KCNH8: variants seen among roughly 807,000 people sequenced by gnomAD.
KCNH8 encodes the protein voltage-gated delayed rectifier potassium channel KCNH8.
KCNH8 carries 70 observed loss-of-function variants against 103.6 expected under a neutral mutation model. The ratio of observed to expected loss-of-function variants is 0.68; its 90% CI spans 0.56 to 0.82. The LOEUF is 0.82. KCNH8 is among the 40% of genes least tolerant of loss of function. The pLI is 0.00. For synonymous variants in KCNH8, 498 were observed against 489.4 expected (o/e 1.02, Z -0.23); for missense variants, 1,217 against 1,329.9 (o/e 0.92, Z 1.32).
At chr3:19,232,975 C>T (rs1275594339) in intron 1 of KCNH8, among the ~76,000 whole-genome samples, 1 of 152,068 alleles carries the variant, frequency 6.6e-6, no homozygotes, top group Admixed American at 6.5e-5. Flanking sequence ...AATAAGTCCC[C>T]TATTAGTAGT....
At chr3:19,397,498 T>TAC (rs1269439250) in intron 7 of KCNH8, among the ~76,000 whole-genome samples, 3 of 151,320 alleles carry the variant, frequency 2.0e-5, no homozygotes, top group African/African-American at 7.3e-5. Flanking sequence ...TATATCTATA[T>TAC]ATACACACAC....
chr3:19,495,318 T>C (rs1299730013), intron 11 of KCNH8, among the ~76,000 whole-genome samples: 2 of 152,234 alleles, frequency 1.3e-5, no homozygotes, highest in East Asian at 3.9e-4. Flanking sequence ...CCAGAGTTTT[T>C]ATACTTTTGG....
chr3:19,401,230 G>A (rs1040699400), intron 7 of KCNH8, among the ~76,000 whole-genome samples: 2 of 151,902 alleles, frequency 1.3e-5, no homozygotes, highest in East Asian at 1.9e-4. Context: ...CCTGCACACC[G>A]GACTGTGGGT....
chr3:19,374,001 C>T (rs2066148821), intron 5 of KCNH8, among the ~76,000 whole-genome samples: 1 of 152,184 alleles, frequency 6.6e-6, no homozygotes, highest in African/African-American at 2.4e-5. Flanking sequence ...TGTTCTTTTA[C>T]ATTTGCTGAG....
intron 1 of KCNH8, among the ~76,000 whole-genome samples, chr3:19,225,765 G>A (rs984809088): frequency 8.5e-5 from 13 of 152,136 alleles, no homozygotes; most frequent in African/African-American, 2.2e-4. Context: ...TTGGTTTCCC[G>A]CATTCATAGA....
intron 5 of KCNH8, among the ~76,000 whole-genome samples, chr3:19,385,345 AT>A (rs1252928441): frequency 6.6e-6 from 1 of 152,048 alleles, no homozygotes; most frequent in Admixed American, 6.6e-5. Context: ...AAAAAAGAAA[AT>A]TTTTCTAAAA....
intron 1 of KCNH8, 90 bp downstream of exon 1, chr3:19,148,885 AC>A (rs2063101496): frequency 8.8e-7 from 1 of 1,140,398 alleles, no homozygotes; most frequent in Non-Finnish European, 1.3e-6. Flanking sequence ...TCCCTTTTGC[AC>A]CAGCGGAGTG....
intron 1 of KCNH8, among the ~76,000 whole-genome samples, chr3:19,170,608 ATG>A (rs1253278789): frequency 1.4e-5 from 2 of 141,020 alleles, no homozygotes; most frequent in Admixed American, 7.0e-5. Context: ...ATATATATAT[ATG>A]TATACACACA....
chr3:19,150,102 A>C (rs1454618192), intron 1 of KCNH8, among the ~76,000 whole-genome samples: 1 of 152,176 alleles, frequency 6.6e-6, no homozygotes, highest in East Asian at 1.9e-4. Flanking sequence ...CTTTACATCT[A>C]GCCATTCTTT....
At chr3:19,335,485 A>G (rs1345055) in intron 3 of KCNH8, among the ~76,000 whole-genome samples, 73 of 4,392 alleles carry the variant, frequency 0.017, no homozygotes, top group East Asian at 0.091. Flanking sequence ...ATGTGTGTGT[A>G]TATATATATA....
At chr3:19,406,592 C>T (rs2066694976) in intron 7 of KCNH8, among the ~76,000 whole-genome samples, 2 of 152,108 alleles carry the variant, frequency 1.3e-5, no homozygotes, top group Admixed American at 1.3e-4. Flanking sequence ...AGATTCTTCA[C>T]AACATAGTCT....
At chr3:19,402,885 A>G (rs568290589) in intron 7 of KCNH8, among the ~76,000 whole-genome samples, 17 of 151,990 alleles carry the variant, frequency 1.1e-4, no homozygotes, top group Admixed American at 3.3e-4. Context: ...CTGTACGATT[A>G]TAGGCCACAT....
intron 5 of KCNH8, among the ~76,000 whole-genome samples, chr3:19,388,052 A>G (rs760930410): frequency 7.2e-5 from 11 of 151,994 alleles, no homozygotes; most frequent in Non-Finnish European, 1.2e-4. Flanking sequence ...CACTTCATTC[A>G]TTCTTCCATT....
At position 19,187,981 on chromosome 3, in the gene KCNH8, A is replaced by G. The variant is rs376676838; in HGVS notation, c.76+39186A>G. Among the ~76,000 whole-genome samples, 31 of 152,092 alleles carry G rather than the reference A, an allele frequency of 2.0e-4. No individual in the cohort carries two copies. The East Asian group carries it at 3.5e-3, about 17-fold the overall frequency. On this transcript the variant is annotated intron_variant, in intron 1 of 15. Transcript: ENST00000328405. ...ACTATACACGTACCAGCGTCACCAGATATATTCTTAGGGTCCATGAGCACT... is the reference window on the plus strand; with the variant it reads ...ACTATACACGTACCAGCGTCACCAGGTATATTCTTAGGGTCCATGAGCACT...
intron 8 of KCNH8, among the ~76,000 whole-genome samples, chr3:19,441,134 C>G (rs1322840450): frequency 6.6e-6 from 1 of 152,122 alleles, no homozygotes; most frequent in Non-Finnish European, 1.5e-5. Flanking sequence ...CCTTCATTCT[C>G]AGAACCAAAC....
Position 19,513,103 on chromosome 3 carries a change from G to C in KCNH8, c.2213G>C (p.Arg738Pro). 2 of 1,613,818 alleles carry C rather than the reference G, an allele frequency of 1.2e-6. No individual in the cohort carries two copies. The highest frequency in any genetic ancestry group is 1.7e-6 in the Non-Finnish European group (2 of 1,179,922). The change falls in exon 13 of 16, where the codon CGC becomes CCC. Residue 738 changes from arginine to proline, a missense_variant. By Grantham distance (103) the Arg-to-Pro change is moderately radical. Coordinates refer to ENST00000328405, the MANE Select transcript of KCNH8 (RefSeq NM_144633.3). Reference protein sequence around the residue: ...SPICTRGSSSRNKKVGSNKAY... With the variant: ...SPICTRGSSSPNKKVGSNKAY... ...ATCTGCACAAGGGGATCTTCTTCGC[G>C]CAACAAGAAGGTTGGAAGCAATAAA... is the stretch of plus-strand genomic sequence containing the variant.
chr3:19,487,243 G>A (rs552212224), intron 11 of KCNH8, among the ~76,000 whole-genome samples: 5 of 152,294 alleles, frequency 3.3e-5, no homozygotes, highest in African/African-American at 1.2e-4. Flanking sequence ...CTAGTCTGAT[G>A]CTAAAGAAGG....
Position 19,148,541 on chromosome 3 carries a change from C to T in KCNH8, c.-179C>T. 3.2e-6 allele frequency: 2 copies of T among 625,016 alleles called. No homozygotes were observed. Among genetic ancestry groups the T allele is most frequent in the East Asian group, 5.5e-5 (2 of 36,132 alleles). The allele number at this position is 625,016 out of a possible 1,614,324, so 38.7% of individuals were successfully genotyped here. On this transcript the variant is annotated 5_prime_UTR_variant, in exon 1 of 16. Transcript: ENST00000328405. ...GGGGCTCCTCCTGCCACAGCCGGGG[C>T]GGCTGGAACTCTCTCCCTTTCTCCC...
At chr3:19,422,658 TAGAA>T (rs1258722575) in intron 7 of KCNH8, among the ~76,000 whole-genome samples, 3 of 152,116 alleles carry the variant, frequency 2.0e-5, no homozygotes, top group African/African-American at 4.8e-5. Flanking sequence ...ATTTACAATT[TAGAA>T]AGACATTTTT....
Sources: gnomAD v4.1 joint callset for allele counts (sites outside exome capture counted in the v4.1 genomes callset) on GRCh38, gnomAD v4.1.1 for gene constraint, MANE v1.5 for transcripts, NCBI Gene and HGNC (gene_info 2026-07-23, HGNC 2026-07-21) for gene names.